The following RAB5C variants were observed in gnomAD, a reference collection of about 807,000 sequenced individuals.
RAB5C encodes the protein RAB5C, member RAS oncogene family, also known as ras-related protein Rab-5C.
Under a neutral mutation model 25.2 loss-of-function variants are expected in RAB5C, and 4 were observed. The ratio of observed to expected loss-of-function variants is 0.16; its 90% confidence interval spans 0.08 to 0.36. The LOEUF (loss-of-function observed/expected upper bound fraction) is 0.36, where lower values mean the gene tolerates loss of function less well. Ranked by LOEUF, RAB5C falls within the 10% of genes least tolerant of loss-of-function variation. The pLI, the probability that RAB5C is intolerant of heterozygous loss-of-function variation, is 1.00. For missense variants in RAB5C, 199 were observed against 283.8 expected (o/e 0.70, Z 2.15); for synonymous variants, 100 against 106.4 (o/e 0.94, Z 0.37).
intron 1 of RAB5C, among the ~76,000 whole-genome samples, chr17:42,147,055 A>G (rs2079640231): frequency 6.6e-6 from 1 of 150,668 alleles, no homozygotes; most frequent in Non-Finnish European, 1.5e-5. Flanking sequence ...AAAGACAGAA[A>G]AAGAAAGAAA....
intron 1 of RAB5C, among the ~76,000 whole-genome samples, chr17:42,140,321 G>T (rs1434841673): frequency 1.3e-5 from 2 of 151,696 alleles, no homozygotes; most frequent in African/African-American, 4.8e-5. Flanking sequence ...GAGGAAAGTG[G>T]GAGAAAAGAG....
At position 42,144,542 on chromosome 17, in the gene RAB5C, G is replaced by A. The variant is rs150207186; in HGVS notation, c.-89+10351C>T. Among the ~76,000 whole-genome samples the A allele has an allele frequency of 3.6e-4, 54 of 148,374 alleles. No individual in the cohort carries two copies. In the East Asian group the frequency reaches 8.1e-3, roughly 22 times the overall value. Reference sequence around the variant, plus strand: ...AGAATTTAATAATTCAGCTGGGCGCGGTGGCTCACGCCTGTAACCCCAGCA... The same window carrying A: ...AGAATTTAATAATTCAGCTGGGCGCAGTGGCTCACGCCTGTAACCCCAGCA... On this transcript the variant is annotated intron_variant, in intron 1 of 5. Transcript: ENST00000346213.
At chr17:42,138,960 C>T (rs2054564880) in intron 1 of RAB5C, among the ~76,000 whole-genome samples, 1 of 152,166 alleles carries the variant, frequency 6.6e-6, no homozygotes, top group African/African-American at 2.4e-5. Context: ...AGGGACAGAC[C>T]CTTAGCTTTC....
intron 1 of RAB5C, among the ~76,000 whole-genome samples, chr17:42,140,489 A>G (rs1237623108): frequency 1.4e-5 from 1 of 69,202 alleles, no homozygotes; most frequent in Non-Finnish European, 2.9e-5. Flanking sequence ...TTTAGAATAT[A>G]TATATATATA....
Position 42,126,650 on chromosome 17 carries a change from A to G in RAB5C, c.535+105T>C, listed in dbSNP as rs760870717. 293 of 463,740 alleles carry G rather than the reference A, an allele frequency of 6.3e-4. No homozygotes were observed. In the Admixed American group the frequency reaches 9.2e-3, roughly 15 times the overall value. The allele number at this position is 463,740 out of a possible 1,614,324, so 28.7% of individuals were successfully genotyped here. On this transcript the variant is annotated intron_variant, in intron 5 of 5. Transcript: ENST00000346213. Reference sequence around the variant, plus strand: ...CCATCTCAAAAAAAAAAAAAAAAAAAAAAAAAAAGAGTGGTGAAGGGACCC... The same window carrying G: ...CCATCTCAAAAAAAAAAAAAAAAAAGAAAAAAAAGAGTGGTGAAGGGACCC...
At chr17:42,144,355 G>A (rs945874814) in intron 1 of RAB5C, among the ~76,000 whole-genome samples, 4 of 152,066 alleles carry the variant, frequency 2.6e-5, no homozygotes, top group African/African-American at 9.7e-5. Context: ...TACTCGGGAG[G>A]CTCAGGCAGG....
intron 1 of RAB5C, among the ~76,000 whole-genome samples, chr17:42,141,205 G>T (rs2079601525): frequency 6.6e-6 from 1 of 152,180 alleles, no homozygotes; most frequent in Non-Finnish European, 1.5e-5. Context: ...GTCTAAACAA[G>T]ATTCAATGAG....
At chr17:42,126,038 T>C in intron 5 of RAB5C, 140 bp from the exon 6 acceptor site, 1 of 646,066 alleles carries the variant, frequency 1.5e-6, no homozygotes, top group Non-Finnish European at 2.7e-6. Flanking sequence ...TGCATTCTGA[T>C]TGTTTTCAGG....
chr17:42,142,164 T>TAAA (rs34759135), intron 1 of RAB5C, among the ~76,000 whole-genome samples: 1 of 136,100 alleles, frequency 7.3e-6, no homozygotes, highest in Non-Finnish European at 1.6e-5. Context: ...CATAACCTCT[T>TAAA]AAAAAAAAAA....
chr17:42,136,841 T>C (rs2054541268), intron 1 of RAB5C, among the ~76,000 whole-genome samples: 1 of 152,148 alleles, frequency 6.6e-6, no homozygotes, highest in African/African-American at 2.4e-5. Context: ...CCAAGACTCA[T>C]AACTCAAGCA....
In RAB5C at chr17:42,128,842, A is replaced by C. The variant is rs182307901; in HGVS notation, c.167-42T>G. 1.4e-4 allele frequency: 194 copies of C among 1,413,732 alleles called. No individual in the cohort carries two copies. In the African/African-American group the frequency reaches 2.6e-3, roughly 19 times the overall value. The allele number at this position is 1,413,732 out of a possible 1,614,324, so 87.6% of individuals were successfully genotyped here. On this transcript the variant is annotated intron_variant, in intron 2 of 5. Transcript: ENST00000346213. Reference sequence around the variant, plus strand: ...GCGTCCATGGGCAAGAGCGAGTTGGAATCCACCCCACACAATCCCACTGTT... The same window carrying C: ...GCGTCCATGGGCAAGAGCGAGTTGGCATCCACCCCACACAATCCCACTGTT...
At chr17:42,150,982 T>C (rs1447724115) in intron 1 of RAB5C, among the ~76,000 whole-genome samples, 1 of 152,184 alleles carries the variant, frequency 6.6e-6, no homozygotes, top group Non-Finnish European at 1.5e-5. Context: ...AGCATCCCCA[T>C]TTTACCAGAA....
intron 1 of RAB5C, among the ~76,000 whole-genome samples, chr17:42,143,375 G>T (rs1185718199): frequency 6.6e-6 from 1 of 152,224 alleles, no homozygotes; most frequent in Non-Finnish European, 1.5e-5. Flanking sequence ...GGTGGCTCAT[G>T]CCTGTAACCC....
intron 1 of RAB5C, among the ~76,000 whole-genome samples, chr17:42,152,193 C>T (rs745920011): frequency 2.8e-4 from 43 of 151,708 alleles, no homozygotes; most frequent in Non-Finnish European, 5.2e-4. Flanking sequence ...TCCCAAGGCA[C>T]CTATGAGGAA....
At chr17:42,127,962 G>T (rs1291729866) in intron 4 of RAB5C, among the ~76,000 whole-genome samples, 3 of 152,040 alleles carry the variant, frequency 2.0e-5, no homozygotes, top group Non-Finnish European at 1.5e-5. Flanking sequence ...TGAGACTACA[G>T]GTGCGTGCCA....
rs559645863 is a variant in RAB5C, at chr17:42,142,542, G to A, written c.-88-11952C>T. 1.7e-4 allele frequency among the ~76,000 whole-genome samples: 26 copies of A among 152,350 alleles called. 1 individual carries two copies. The highest frequency in any genetic ancestry group is 5.8e-4 in the African/African-American group (24 of 41,578). On this transcript the variant is annotated intron_variant, in intron 1 of 5. Coordinates refer to ENST00000346213, the MANE Select transcript of RAB5C (RefSeq NM_004583.4). ...ATCACCACGCTGTCTGAGCAGCTCA[G>A]AGAGCAATCTGATGTCTAGGAGAGC...
In RAB5C at chr17:42,130,542, G is replaced by T; in HGVS notation, c.-40C>A. ...TAGTGGTCCAGAGAGCGTGCGGGTG[G>T]GGACTGGTGCTATGCAAAGAGGCAC... On this transcript the variant is annotated 5_prime_UTR_variant, in exon 2 of 6. Coordinates refer to ENST00000346213, the MANE Select transcript of RAB5C (RefSeq NM_004583.4). The T allele has an allele frequency of 6.2e-7, 1 of 1,611,122 alleles. No individual in the cohort carries two copies.
At chr17:42,150,544 CAAAAAAA>C (rs759878778) in intron 1 of RAB5C, among the ~76,000 whole-genome samples, 12 of 19,376 alleles carry the variant, frequency 6.2e-4, no homozygotes, top group African/African-American at 1.4e-3. Flanking sequence ...AACTCCATCT[CAAAAAAA>C]AAAAAAAAAA....
At chr17:42,132,962 C>T (rs2054501093) in intron 1 of RAB5C, among the ~76,000 whole-genome samples, 1 of 152,204 alleles carries the variant, frequency 6.6e-6, no homozygotes, top group Non-Finnish European at 1.5e-5. Flanking sequence ...TGTGGAAGAA[C>T]AATGGAGGCA....
Sources: gnomAD v4.1 joint callset for allele counts (sites outside exome capture counted in the v4.1 genomes callset) on GRCh38, gnomAD v4.1.1 for gene constraint, MANE v1.5 for transcripts, NCBI Gene and HGNC (gene_info 2026-07-23, HGNC 2026-07-21) for gene names.